Variants in GRM1 observed in about 807,000 individuals in gnomAD.
GRM1 encodes the protein metabotropic glutamate receptor 1.
Under a neutral mutation model 90.9 loss-of-function variants are expected in GRM1, and 33 were observed. The observed-to-expected ratio is 0.36, with a 90% confidence interval of 0.28 to 0.49. GRM1 has a LOEUF of 0.49. Among genes scored for constraint, GRM1 ranks in the 20% least tolerant of loss-of-function variants. GRM1 has a pLI of 0.99. For missense variants in GRM1, 1,190 were observed against 1,534.3 expected (o/e 0.78, Z 3.75); for synonymous variants, 700 against 613.2 (o/e 1.14, Z -2.09).
intron 1 of GRM1, among the ~76,000 whole-genome samples, chr6:146,074,123 A>T (rs1252756860): frequency 6.6e-6 from 1 of 152,110 alleles, no homozygotes; most frequent in Non-Finnish European, 1.5e-5. Flanking sequence ...CCTGCTTAAC[A>T]TAGGAGGTCA....
intron 2 of GRM1, among the ~76,000 whole-genome samples, chr6:146,177,189 G>A (rs1048960820): frequency 1.3e-5 from 2 of 152,042 alleles, no homozygotes; most frequent in Non-Finnish European, 2.9e-5. Flanking sequence ...CTTTATGTCT[G>A]ACCTTTAGTC....
intron 6 of GRM1, among the ~76,000 whole-genome samples, chr6:146,390,931 G>T (rs1025456090): frequency 6.6e-6 from 1 of 152,012 alleles, no homozygotes; most frequent in Admixed American, 6.6e-5. Context: ...CATTTGATCT[G>T]AGCACTGAAT....
chr6:146,109,888 A>G (rs1775490004), intron 1 of GRM1, among the ~76,000 whole-genome samples: 1 of 152,126 alleles, frequency 6.6e-6, no homozygotes, highest in Non-Finnish European at 1.5e-5. Context: ...GCCCTGCTGG[A>G]TTTCTGGCTT....
chr6:146,297,221 C>T (rs932324478), intron 2 of GRM1, among the ~76,000 whole-genome samples: 9 of 150,852 alleles, frequency 6.0e-5, no homozygotes, highest in Admixed American at 3.3e-4. Context: ...AGTACAGTGG[C>T]GCGATCTCAG....
At chr6:146,430,860 C>T (rs2114688262) in intron 7 of GRM1, among the ~76,000 whole-genome samples, 1 of 152,294 alleles carries the variant, frequency 6.6e-6, no homozygotes, top group South Asian at 2.1e-4. Flanking sequence ...AATTTAGTTA[C>T]ACATGTATTG....
chr6:146,087,464 G>A (rs571007004), intron 1 of GRM1, among the ~76,000 whole-genome samples: 6 of 152,148 alleles, frequency 3.9e-5, no homozygotes, highest in African/African-American at 7.2e-5. Flanking sequence ...CTGTGTTTGC[G>A]CGCATGTGTG....
At chr6:146,130,873 A>T (rs1042354517) in intron 1 of GRM1, among the ~76,000 whole-genome samples, 21 of 152,166 alleles carry the variant, frequency 1.4e-4, no homozygotes, top group Non-Finnish European at 2.9e-4. Flanking sequence ...TTTATCTACC[A>T]TCATGAGTCT....
intron 2 of GRM1, among the ~76,000 whole-genome samples, chr6:146,267,692 GCTCGGCTCGGCTCGT>G (rs1340782262): frequency 1.1e-3 from 124 of 109,736 alleles, no homozygotes; most frequent in African/African-American, 7.0e-3. Context: ...GCTCGGCTCG[GCTCGGCTCGGCTCGT>G]CTCGTCTCGT....
At chr6:146,413,253 C>CT (rs1277614412) in intron 7 of GRM1, among the ~76,000 whole-genome samples, 2 of 152,042 alleles carry the variant, frequency 1.3e-5, no homozygotes, top group East Asian at 1.9e-4. Context: ...TGATAATAAT[C>CT]TTTTTTCCCT....
intron 1 of GRM1, among the ~76,000 whole-genome samples, chr6:146,038,220 A>G (rs142067357): frequency 1.9e-4 from 29 of 152,094 alleles, no homozygotes; most frequent in African/African-American, 6.7e-4. Context: ...GAGATGACAC[A>G]TGGTCAGACA....
chr6:146,325,936 G>C (rs1327509439), intron 3 of GRM1, among the ~76,000 whole-genome samples: 1 of 152,032 alleles, frequency 6.6e-6, no homozygotes, highest in Non-Finnish European at 1.5e-5. Flanking sequence ...AAGTCATATA[G>C]AAAATTAGTT....
At chr6:146,173,665 G>A (rs1187662553) in intron 2 of GRM1, among the ~76,000 whole-genome samples, 1 of 137,188 alleles carries the variant, frequency 7.3e-6, no homozygotes, top group Non-Finnish European at 1.5e-5. Context: ...TTTTCCTGAG[G>A]TTCTTTTTTT....
chr6:146,380,035 A>G (rs1291629302), intron 5 of GRM1, among the ~76,000 whole-genome samples: 1 of 151,778 alleles, frequency 6.6e-6, no homozygotes, highest in Non-Finnish European at 1.5e-5. Flanking sequence ...CACCACAACT[A>G]TGACTTTGCC....
chr6:146,427,793 C>T (rs1441145353), intron 7 of GRM1, among the ~76,000 whole-genome samples: 2 of 152,172 alleles, frequency 1.3e-5, no homozygotes, highest in Non-Finnish European at 2.9e-5. Context: ...CTGTAATTCT[C>T]CCAAGCTCAG....
intron 1 of GRM1, among the ~76,000 whole-genome samples, chr6:146,079,156 C>T (rs988078028): frequency 5.9e-5 from 9 of 152,290 alleles, no homozygotes; most frequent in South Asian, 2.1e-4. Context: ...CAGGGGAGCC[C>T]TTTTTACTTG....
chr6:146,365,370 C>G (rs1775638771), intron 5 of GRM1: 1 of 152,300 alleles, frequency 6.6e-6, no homozygotes. Flanking sequence ...ACCACTCCCA[C>G]TCAGACCTAT....
At chr6:146,366,297 GT>G (rs748644170) in intron 5 of GRM1, among the ~76,000 whole-genome samples, 5 of 151,952 alleles carry the variant, frequency 3.3e-5, no homozygotes, top group Non-Finnish European at 5.9e-5. Context: ...ATCTGGGTCA[GT>G]GGGATATCCA....
At chr6:146,151,297 T>C (rs935242191) in intron 1 of GRM1, among the ~76,000 whole-genome samples, 2 of 152,216 alleles carry the variant, frequency 1.3e-5, no homozygotes, top group East Asian at 3.8e-4. Flanking sequence ...TTTCTCTATA[T>C]GAATGTTTCC....
chr6:146,071,749 C>T (rs991467775), intron 1 of GRM1, among the ~76,000 whole-genome samples: 3 of 152,060 alleles, frequency 2.0e-5, no homozygotes, highest in African/African-American at 7.2e-5. Context: ...AAACCTTGAC[C>T]AACCCAATAG....
Sources: allele counts gnomAD v4.1 joint callset (sites outside exome capture counted in the v4.1 genomes callset), GRCh38; gene constraint gnomAD v4.1.1; transcripts MANE v1.5; gene names NCBI Gene and HGNC (gene_info 2026-07-23, HGNC 2026-07-21).